Variants in SP4 observed in about 807,000 individuals in gnomAD.
SP4 encodes transcription factor Sp4.
Under a neutral mutation model 72.8 loss-of-function variants are expected in SP4, and 19 were observed. The ratio of observed to expected loss-of-function variants is 0.26; its 90% CI spans 0.18 to 0.38. The LOEUF (loss-of-function observed/expected upper bound fraction) is 0.38. Ranked by LOEUF, SP4 falls within the 10% of genes least tolerant of loss-of-function variation. The probability of loss-of-function intolerance (pLI) is 1.00; values close to 1 mark genes in which losing one functional copy is unlikely to be tolerated. For synonymous variants in SP4, 395 were observed against 333.1 expected (o/e 1.19, Z -2.02); for missense variants, 1,008 against 926.3 (o/e 1.09, Z -1.14).
chr7:21,443,526 A>C (rs1380709184), intron 3 of SP4, among the ~76,000 whole-genome samples: 2 of 152,244 alleles, frequency 1.3e-5, no homozygotes, highest in East Asian at 3.8e-4. Flanking sequence ...TAATGTGGCC[A>C]GTCAGAAGGG....
In SP4 at chr7:21,511,553, A is replaced by T. The variant is rs573447131; in HGVS notation, c.*284A>T. ...TTTATACAGAATCTTCCCATCTCTT[A>T]ATATCATGTGTTAACATGTTTAAAA... On this transcript the variant is annotated 3_prime_UTR_variant, in exon 6 of 6. Coordinates refer to ENST00000222584, the MANE Select transcript of SP4 (RefSeq NM_003112.5). 132 of 308,220 alleles carry T rather than the reference A, an allele frequency of 4.3e-4. 1 individual carries two copies. The East Asian group carries it at 5.4e-3, about 13-fold the overall frequency. The allele number at this position is 308,220 out of a possible 1,614,324, so 19.1% of individuals were successfully genotyped here.
At chr7:21,481,313 G>A (rs1203397524) in intron 4 of SP4, among the ~76,000 whole-genome samples, 2 of 152,194 alleles carry the variant, frequency 1.3e-5, no homozygotes, top group African/African-American at 2.4e-5. Context: ...AGCTGCACCA[G>A]TCTCTAATGT....
At chr7:21,439,504 CTTTTCTTTCCTTT>C (rs1417520800) in intron 3 of SP4, among the ~76,000 whole-genome samples, 1 of 150,166 alleles carries the variant, frequency 6.7e-6, no homozygotes, top group Non-Finnish European at 1.5e-5. Context: ...ACCCTCCTTT[CTTTTCTTTCCTTT>C]TTTTTTTTTT....
intron 3 of SP4, among the ~76,000 whole-genome samples, chr7:21,438,606 C>T (rs17144421): frequency 0.01 from 1,559 of 151,938 alleles, 30 homozygotes; most frequent in African/African-American, 0.035. Flanking sequence ...TTTGTAGTTA[C>T]GATATGTTAT....
intron 3 of SP4, among the ~76,000 whole-genome samples, chr7:21,446,490 C>A (rs1783431904): frequency 6.6e-6 from 1 of 151,540 alleles, no homozygotes; most frequent in East Asian, 1.9e-4. Flanking sequence ...TTGTCTCTGC[C>A]ATTAAACAAT....
chr7:21,494,728 A>T (rs1017567587), intron 5 of SP4, among the ~76,000 whole-genome samples: 4 of 152,212 alleles, frequency 2.6e-5, no homozygotes, highest in Admixed American at 2.6e-4. Context: ...CAGATTCAGT[A>T]TAATCCTTCT....
chr7:21,437,175 G>A (rs897979120), intron 3 of SP4, among the ~76,000 whole-genome samples: 3 of 152,170 alleles, frequency 2.0e-5, no homozygotes. Context: ...TCAGACAAAT[G>A]AGCTTGATAA....
chr7:21,487,124 A>G lies in SP4; in HGVS notation c.2107+5001A>G, dbSNP rs147327420. Among the ~76,000 whole-genome samples, 1,402 of 152,248 alleles carry G rather than the reference A, an allele frequency of 9.2e-3. 18 individuals are homozygous for G. The highest frequency in any genetic ancestry group is 0.032 in the African/African-American group (1,344 of 41,548). Reference sequence around the variant, plus strand: ...CTTTTGTTCTTTGGGTTATAATTCAATACTATCATTTTCTTGCTCAAATTG... The same window carrying G: ...CTTTTGTTCTTTGGGTTATAATTCAGTACTATCATTTTCTTGCTCAAATTG... On this transcript the variant is annotated intron_variant, in intron 5 of 5. Transcript: ENST00000222584.
At chr7:21,461,257 G>A (rs185555855) in intron 3 of SP4, among the ~76,000 whole-genome samples, 184 of 152,286 alleles carry the variant, frequency 1.2e-3, no homozygotes, top group Non-Finnish European at 2.3e-3. Flanking sequence ...GGCGGTGCTT[G>A]TTGGGGAGAC....
chr7:21,479,794 C>T lies in SP4; in HGVS notation c.1908-2130C>T, dbSNP rs1301486067. Among the ~76,000 whole-genome samples the T allele has an allele frequency of 2.6e-5, 4 of 152,274 alleles. No homozygotes were observed. The East Asian group carries it at 7.7e-4, about 29-fold the overall frequency. ...GTATTTCTGGTTGTTTAATCTTTAA[C>T]TTCTTTCATCAATGTTTTATAGTTT... is the stretch of plus-strand genomic sequence containing the variant. On this transcript the variant is annotated intron_variant, in intron 4 of 5. Coordinates refer to ENST00000222584, the MANE Select transcript of SP4 (RefSeq NM_003112.5).
At chr7:21,489,582 T>C (rs1784918813) in intron 5 of SP4, among the ~76,000 whole-genome samples, 1 of 133,970 alleles carries the variant, frequency 7.5e-6, no homozygotes. Context: ...TTTTTTGAGA[T>C]GGAGTCTCGC....
rs1193020167 is a variant in SP4, at chr7:21,462,245, G to GT, written c.1679-14828dup. On this transcript the variant is annotated intron_variant, in intron 3 of 5. Transcript: ENST00000222584. Reference sequence around the variant, plus strand: ...TTGCCATGTTGCCCAAGCTAGTTTTGTTTTTTAACAGACGTAGGAGAAATG... The same window carrying GT: ...TTGCCATGTTGCCCAAGCTAGTTTTGTTTTTTTAACAGACGTAGGAGAAATG... 2.0e-5 allele frequency among the ~76,000 whole-genome samples: 3 copies of GT among 151,976 alleles called. No individual in the cohort carries two copies. In the East Asian group the frequency reaches 5.8e-4, roughly 29 times the overall value.
chr7:21,463,978 T>C (rs1370788697), intron 3 of SP4, among the ~76,000 whole-genome samples: 2 of 152,242 alleles, frequency 1.3e-5, no homozygotes, highest in Non-Finnish European at 2.9e-5. Context: ...GCAGAAATCA[T>C]GTTACTTTAG....
intron 5 of SP4, among the ~76,000 whole-genome samples, chr7:21,485,828 TC>T (rs1784799302): frequency 1.1e-4 from 17 of 152,146 alleles, no homozygotes; most frequent in Middle Eastern, 3.4e-3. Context: ...GAGCCTTCCA[TC>T]TTTCTAATGA....
At chr7:21,435,156 A>G (rs1783007222) in intron 3 of SP4, among the ~76,000 whole-genome samples, 1 of 152,236 alleles carries the variant, frequency 6.6e-6, no homozygotes, top group Admixed American at 6.5e-5. Flanking sequence ...CAGAGATCAT[A>G]CTGTAGGCCT....
chr7:21,483,902 C>T (rs1373437279), intron 5 of SP4, among the ~76,000 whole-genome samples: 2 of 151,374 alleles, frequency 1.3e-5, no homozygotes, highest in East Asian at 3.9e-4. Flanking sequence ...TTGAATTATA[C>T]TTTATACTTT....
intron 3 of SP4, among the ~76,000 whole-genome samples, chr7:21,475,450 A>G (rs1408798143): frequency 6.6e-6 from 1 of 151,304 alleles, no homozygotes; most frequent in East Asian, 1.9e-4. Context: ...CAGGACCGGT[A>G]TGTTTGTTTC....
chr7:21,471,289 G>A (rs934121911), intron 3 of SP4: 6 of 343,276 alleles, frequency 1.7e-5, no homozygotes, highest in African/African-American at 8.6e-5. Context: ...AATATTAGAA[G>A]GGGCAAAACT....
intron 5 of SP4, among the ~76,000 whole-genome samples, chr7:21,489,807 C>T (rs1361735402): frequency 6.6e-6 from 1 of 152,052 alleles, no homozygotes; most frequent in Non-Finnish European, 1.5e-5. Context: ...ATCCACCCGC[C>T]TCGGCCTCCC....
Sources: gnomAD v4.1 joint callset for allele counts (sites outside exome capture counted in the v4.1 genomes callset) on GRCh38, gnomAD v4.1.1 for gene constraint, MANE v1.5 for transcripts, NCBI Gene and HGNC (gene_info 2026-07-23, HGNC 2026-07-21) for gene names.